Variants in UBE2E2 observed in about 807,000 individuals in gnomAD.
The protein encoded by UBE2E2 is ubiquitin conjugating enzyme E2 E2.
A neutral mutation model predicts 24.7 loss-of-function variants in UBE2E2; 6 were observed. The observed-to-expected ratio is 0.24, with a 90% CI of 0.13 to 0.48. The LOEUF (loss-of-function observed/expected upper bound fraction) is 0.48. Ranked by LOEUF, UBE2E2 falls within the 20% of genes least tolerant of loss-of-function variation. The probability of loss-of-function intolerance (pLI) is 0.99; values close to 1 mark genes in which losing one functional copy is unlikely to be tolerated. For missense variants in UBE2E2, 169 were observed against 245.0 expected (o/e 0.69, Z 2.07); for synonymous variants, 104 against 83.6 (o/e 1.24, Z -1.33).
chr3:23,362,624 C>G (rs145112278), intron 3 of UBE2E2, among the ~76,000 whole-genome samples: 2 of 152,080 alleles, frequency 1.3e-5, no homozygotes, highest in Non-Finnish European at 1.5e-5. Context: ...GTGGGCCACC[C>G]TACCCACCCC....
intron 5 of UBE2E2, among the ~76,000 whole-genome samples, chr3:23,587,756 G>A (rs1412620576): frequency 1.3e-5 from 2 of 152,226 alleles, no homozygotes; most frequent in Admixed American, 1.3e-4. Context: ...GTATTTGGTA[G>A]TGCTGGTTTA....
At chr3:23,204,447 C>T (rs60273314) in intron 1 of UBE2E2, among the ~76,000 whole-genome samples, 47,579 of 152,002 alleles carry the variant, frequency 0.31, 7,751 homozygotes, top group East Asian at 0.38. Flanking sequence ...CTAGGGTTTA[C>T]CCTCAAAGTA....
At chr3:23,533,952 A>G (rs1273515078) in intron 5 of UBE2E2, among the ~76,000 whole-genome samples, 1 of 152,166 alleles carries the variant, frequency 6.6e-6, no homozygotes, top group Non-Finnish European at 1.5e-5. Flanking sequence ...CAGGATCATT[A>G]TAAAATATTT....
chr3:23,284,176 A>T (rs1470081295), intron 3 of UBE2E2, among the ~76,000 whole-genome samples: 2 of 152,060 alleles, frequency 1.3e-5, no homozygotes, highest in African/African-American at 4.8e-5. Context: ...ATAATCTATA[A>T]TATTTCTATT....
chr3:23,481,344 A>C (rs1270848812), intron 3 of UBE2E2, among the ~76,000 whole-genome samples: 2 of 152,252 alleles, frequency 1.3e-5, no homozygotes, highest in Admixed American at 1.3e-4. Context: ...AATGTAAGAC[A>C]ATGAGTGGCC....
intron 3 of UBE2E2, among the ~76,000 whole-genome samples, chr3:23,491,492 C>T (rs752273254): frequency 6.6e-6 from 1 of 152,122 alleles, no homozygotes; most frequent in African/African-American, 2.4e-5. Flanking sequence ...AAGTTAAGAA[C>T]TAGGGGTCAA....
At chr3:23,301,074 A>G (rs1699066518) in intron 3 of UBE2E2, among the ~76,000 whole-genome samples, 1 of 152,042 alleles carries the variant, frequency 6.6e-6, no homozygotes, top group African/African-American at 2.4e-5. Flanking sequence ...AACTGATCAC[A>G]TTGGCTCCTG....
At chr3:23,446,765 C>T (rs1698442329) in intron 3 of UBE2E2, among the ~76,000 whole-genome samples, 3 of 144,282 alleles carry the variant, frequency 2.1e-5, no homozygotes, top group Non-Finnish European at 4.5e-5. Context: ...ATGGTGAGGA[C>T]CACCACCCCT....
chr3:23,383,976 G>T (rs534618660), intron 3 of UBE2E2, among the ~76,000 whole-genome samples: 1 of 151,100 alleles, frequency 6.6e-6, no homozygotes, highest in South Asian at 2.1e-4. Flanking sequence ...AGCCCTTAAC[G>T]TGCTCAAAGT....
At position 23,456,830 on chromosome 3, in the gene UBE2E2, A is replaced by G. The variant is rs545772316; in HGVS notation, c.228-42778A>G. 2.0e-5 allele frequency among the ~76,000 whole-genome samples: 3 copies of G among 152,306 alleles called. No homozygotes were observed. The East Asian group carries it at 5.8e-4, about 29-fold the overall frequency. Reference sequence around the variant, plus strand: ...TCACCATCTGCATTAGCCCCTAACAAGAGGGTCAGCCTGTCCTTTGAAGCT... The same window carrying G: ...TCACCATCTGCATTAGCCCCTAACAGGAGGGTCAGCCTGTCCTTTGAAGCT... On this transcript the variant is annotated intron_variant, in intron 3 of 5. Coordinates refer to ENST00000396703, the MANE Select transcript of UBE2E2 (RefSeq NM_152653.4).
intron 3 of UBE2E2, among the ~76,000 whole-genome samples, chr3:23,446,699 GTTT>G (rs57327621): frequency 1.8e-5 from 2 of 112,220 alleles, no homozygotes; most frequent in Admixed American, 9.1e-5. Flanking sequence ...CGTCTGTTTG[GTTT>G]TTTTTTTTTT....
At chr3:23,561,014 A>T (rs943099488) in intron 5 of UBE2E2, among the ~76,000 whole-genome samples, 1 of 152,148 alleles carries the variant, frequency 6.6e-6, no homozygotes, top group Non-Finnish European at 1.5e-5. Flanking sequence ...CCCATTGTGT[A>T]GGTTGCCTGT....
intron 3 of UBE2E2, among the ~76,000 whole-genome samples, chr3:23,325,331 CTT>C (rs1475486917): frequency 6.6e-6 from 1 of 152,046 alleles, no homozygotes; most frequent in African/African-American, 2.4e-5. Flanking sequence ...TTTGTGTACT[CTT>C]TTCACAATTT....
At chr3:23,488,312 C>T (rs896522827) in intron 3 of UBE2E2, among the ~76,000 whole-genome samples, 4 of 151,778 alleles carry the variant, frequency 2.6e-5, no homozygotes, top group Non-Finnish European at 4.4e-5. Flanking sequence ...ACCCATCAAC[C>T]TGTCACCTAC....
At chr3:23,420,732 T>C (rs189990567) in intron 3 of UBE2E2, among the ~76,000 whole-genome samples, 3 of 152,330 alleles carry the variant, frequency 2.0e-5, no homozygotes, top group Non-Finnish European at 4.4e-5. Flanking sequence ...TTTTTTGCAA[T>C]ATATTGTTTA....
At chr3:23,227,060 A>G (rs1341823984) in intron 3 of UBE2E2, among the ~76,000 whole-genome samples, 2 of 152,022 alleles carry the variant, frequency 1.3e-5, no homozygotes, top group African/African-American at 2.4e-5. Context: ...AGACAAAATT[A>G]ATGATGTCGA....
chr3:23,504,299 T>G (rs951778429), intron 4 of UBE2E2, among the ~76,000 whole-genome samples: 3 of 152,242 alleles, frequency 2.0e-5, no homozygotes, highest in Admixed American at 6.5e-5. Context: ...GTGCCTAGTA[T>G]TCCGTTGTAT....
intron 3 of UBE2E2, among the ~76,000 whole-genome samples, chr3:23,353,274 A>G (rs1164097233): frequency 1.3e-5 from 2 of 152,060 alleles, no homozygotes; most frequent in Non-Finnish European, 2.9e-5. Flanking sequence ...CCCACAGCCA[A>G]TATCATACTG....
chr3:23,343,525 G>C (rs975345127), intron 3 of UBE2E2, among the ~76,000 whole-genome samples: 1 of 125,962 alleles, frequency 7.9e-6, no homozygotes, highest in Non-Finnish European at 1.7e-5. Context: ...GCAGTGAGCC[G>C]AGATGGCGCC....
Sources: gnomAD v4.1 joint callset for allele counts (sites outside exome capture counted in the v4.1 genomes callset) on GRCh38, gnomAD v4.1.1 for gene constraint, MANE v1.5 for transcripts, NCBI Gene and HGNC (gene_info 2026-07-23, HGNC 2026-07-21) for gene names.